STK31: variants seen among roughly 807,000 people sequenced by gnomAD.
STK31 encodes serine/threonine-protein kinase 31.
A neutral mutation model predicts 129.7 loss-of-function variants in STK31; 89 were observed. The observed-to-expected ratio is 0.69, with a 90% CI of 0.58 to 0.82. The LOEUF (loss-of-function observed/expected upper bound fraction) is 0.82, where lower values mean the gene tolerates loss of function less well. Ranked by LOEUF, STK31 falls within the 40% of genes least tolerant of loss-of-function variation. The pLI, the probability that STK31 is intolerant of heterozygous loss-of-function variation, is 0.00. For synonymous variants in STK31, 448 were observed against 395.3 expected (o/e 1.13, Z -1.58); for missense variants, 1,187 against 1,176.4 (o/e 1.01, Z -0.13).
intron 22 of STK31, among the ~76,000 whole-genome samples, chr7:23,813,085 T>TTTA (rs201499622): frequency 0.089 from 12,839 of 144,052 alleles, 810 homozygotes; most frequent in African/African-American, 0.18. Flanking sequence ...GTTCTTTTTT[T>TTTA]TTTTTTTTTT....
At chr7:23,748,761 T>C (rs75004228) in intron 8 of STK31, among the ~76,000 whole-genome samples, 2,360 of 152,338 alleles carry the variant, frequency 0.015, 29 homozygotes, top group Non-Finnish European at 0.024. Flanking sequence ...ATATAATACA[T>C]ATAACATACA....
chr7:23,729,001 A>T lies in STK31; in HGVS notation c.325-90A>T, dbSNP rs149746615. On this transcript the variant is annotated intron_variant, in intron 5 of 23. Coordinates refer to ENST00000355870, the MANE Select transcript of STK31 (RefSeq NM_031414.5). Reference sequence around the variant, plus strand: ...AGGTAAGAATGCTATTTTGATATACAGGTCATTAACAGAGAGCAGCAAATT... The same window carrying T: ...AGGTAAGAATGCTATTTTGATATACTGGTCATTAACAGAGAGCAGCAAATT... The T allele has an allele frequency of 8.8e-6, 10 of 1,138,304 alleles. No homozygotes were observed. The Admixed American group carries it at 2.9e-4, about 33-fold the overall frequency. The allele number at this position is 1,138,304 out of a possible 1,614,324, so 70.5% of individuals were successfully genotyped here.
chr7:23,783,534 T>C, intron 16 of STK31, 49 bp from the exon 17 acceptor site: 9 of 1,372,440 alleles, frequency 6.6e-6, no homozygotes, highest in Non-Finnish European at 9.1e-6. Context: ...CATGTCAAAA[T>C]TGAATATATA....
chr7:23,765,050 A>C (rs1484957178), intron 11 of STK31, among the ~76,000 whole-genome samples: 1 of 149,600 alleles, frequency 6.7e-6, no homozygotes, highest in East Asian at 2.0e-4. Flanking sequence ...TTCTATTTTT[A>C]TTTTATTTAT....
intron 22 of STK31, among the ~76,000 whole-genome samples, chr7:23,794,581 C>T (rs150328384): frequency 1.5e-4 from 23 of 152,168 alleles, no homozygotes; most frequent in Middle Eastern, 3.4e-3. Context: ...TTGGAGGGCT[C>T]AGAAGAGGAC....
chr7:23,785,868 T>C (rs1299540247), intron 18 of STK31, among the ~76,000 whole-genome samples: 1 of 151,920 alleles, frequency 6.6e-6, no homozygotes. Flanking sequence ...GGGGGAGGGA[T>C]AGCATTAGGA....
intron 23 of STK31, among the ~76,000 whole-genome samples, chr7:23,817,353 GATTAATAATT>G (rs1793535637): frequency 6.6e-6 from 1 of 152,194 alleles, no homozygotes; most frequent in Non-Finnish European, 1.5e-5. Flanking sequence ...TTGAAAATGA[GATTAATAATT>G]TAGAAATTTG....
chr7:23,757,090 G>C (rs1789135682), intron 10 of STK31, among the ~76,000 whole-genome samples: 1 of 152,088 alleles, frequency 6.6e-6, no homozygotes, highest in Admixed American at 6.5e-5. Flanking sequence ...TGTATTTCTG[G>C]TAGAATTCGG....
Position 23,796,363 on chromosome 7 carries a change from T to G in STK31, c.2760+5417T>G, listed in dbSNP as rs534867226. ...GAAAGTAAACATATCAAGTTTTTTT[T>G]TTTGTTTCTGGGAGGACTCATAAGA... On this transcript the variant is annotated intron_variant, in intron 22 of 23. Transcript: ENST00000355870. Among the ~76,000 whole-genome samples, 4 of 152,066 alleles carry G rather than the reference T, an allele frequency of 2.6e-5. No homozygotes were observed. In the South Asian group the frequency reaches 8.3e-4, roughly 32 times the overall value.
chr7:23,730,876 ATATTT>A (rs1321990767), intron 6 of STK31, among the ~76,000 whole-genome samples: 2 of 59,978 alleles, frequency 3.3e-5, no homozygotes, highest in African/African-American at 1.0e-4. Context: ...ATATATATAT[ATATTT>A]TTTTTTTTTT....
intron 3 of STK31, 118 bp downstream of exon 3, chr7:23,712,404 A>G: frequency 1.0e-6 from 1 of 966,712 alleles, no homozygotes; most frequent in Non-Finnish European, 1.6e-6. Flanking sequence ...CCTAATATTT[A>G]TTGAATTATT....
intron 23 of STK31, among the ~76,000 whole-genome samples, chr7:23,822,795 G>A (rs558098421): frequency 1.3e-5 from 2 of 152,178 alleles, no homozygotes; most frequent in South Asian, 4.2e-4. Flanking sequence ...CCCTTCCTGT[G>A]TCCATGTGTT....
Position 23,762,840 on chromosome 7 carries a change from C to T in STK31, c.1333C>T (p.Gln445Ter), listed in dbSNP as rs1177279514. The T allele has an allele frequency of 1.2e-6, 2 of 1,607,774 alleles. No homozygotes were observed. The highest frequency in any genetic ancestry group is 1.7e-6 in the Non-Finnish European group (2 of 1,177,782). Residue 445 changes from glutamine (Q) to a stop codon, truncating the protein, a stop_gained, in exon 11 of 24, where the codon CAG becomes TAG. Coordinates refer to ENST00000355870, the MANE Select transcript of STK31 (RefSeq NM_031414.5). LOFTEE classifies it high-confidence loss of function. ...NILIAQRNEM[Q>*]QKLYMSVEDF... ...TTTGATTGCCCAAAGAAATGAAATG[C>T]AGCAGAAGCTGTACATGTCAGTAGA...
chr7:23,756,187 A>G (rs562496497), intron 10 of STK31, among the ~76,000 whole-genome samples: 14 of 152,180 alleles, frequency 9.2e-5, no homozygotes, highest in African/African-American at 3.4e-4. Flanking sequence ...AGTGGTTTGT[A>G]GTTCTTCTTG....
chr7:23,799,451 A>G lies in STK31; in HGVS notation c.2760+8505A>G, dbSNP rs112788176. ...AAGTAATGCCTCAGAAGTATCTACAACCATCTGATCTTTGACAAACCTGAC... is the reference window on the plus strand; with the variant it reads ...AAGTAATGCCTCAGAAGTATCTACAGCCATCTGATCTTTGACAAACCTGAC... On this transcript the variant is annotated intron_variant, in intron 22 of 23. Transcript: ENST00000355870. Among the ~76,000 whole-genome samples the G allele has an allele frequency of 6.3e-3, 954 of 152,296 alleles. 7 individuals carry two copies. Among genetic ancestry groups the G allele is most frequent in the Non-Finnish European group, 8.2e-3 (559 of 68,018 alleles).
At chr7:23,719,850 T>C (rs1009487537) in intron 4 of STK31, among the ~76,000 whole-genome samples, 20 of 152,108 alleles carry the variant, frequency 1.3e-4, no homozygotes, top group Non-Finnish European at 2.6e-4. Context: ...GATATAATAA[T>C]ACTTTCACTA....
intron 6 of STK31, among the ~76,000 whole-genome samples, chr7:23,730,175 G>T (rs1042765155): frequency 1.3e-5 from 2 of 152,200 alleles, no homozygotes; most frequent in Admixed American, 1.3e-4. Flanking sequence ...AAATGGTAAT[G>T]CTGGTGAGAG....
intron 10 of STK31, among the ~76,000 whole-genome samples, chr7:23,758,320 C>T (rs185898834): frequency 1.3e-5 from 2 of 152,242 alleles, no homozygotes; most frequent in Non-Finnish European, 2.9e-5. Context: ...GGTGATACCC[C>T]TTTAACATTT....
At chr7:23,741,606 G>C (rs1241704238) in intron 8 of STK31, among the ~76,000 whole-genome samples, 11 of 152,156 alleles carry the variant, frequency 7.2e-5, no homozygotes, top group Non-Finnish European at 5.9e-5. Flanking sequence ...TTCCAGAGCA[G>C]GTGCCCCAGT....
Sources: allele counts gnomAD v4.1 joint callset (sites outside exome capture counted in the v4.1 genomes callset), GRCh38; gene constraint gnomAD v4.1.1; transcripts MANE v1.5; gene names NCBI Gene and HGNC (gene_info 2026-07-23, HGNC 2026-07-21).